The following CTDSPL variants were observed in gnomAD, a reference collection of about 807,000 sequenced individuals.
CTDSPL encodes CTD small phosphatase-like protein.
A neutral mutation model predicts 30.5 loss-of-function variants in CTDSPL; 8 were observed. That is an observed-to-expected ratio of 0.26 (90% CI 0.15 to 0.47). CTDSPL has a LOEUF of 0.47. Among genes scored for constraint, CTDSPL ranks in the 20% least tolerant of loss-of-function variants. CTDSPL has a pLI of 0.99. For missense variants in CTDSPL, 248 were observed against 366.1 expected (o/e 0.68, Z 2.63); for synonymous variants, 110 against 137.9 (o/e 0.80, Z 1.42).
At chr3:37,893,010 AC>A (rs1186818840) in intron 1 of CTDSPL, among the ~76,000 whole-genome samples, 1 of 152,222 alleles carries the variant, frequency 6.6e-6, no homozygotes, top group Non-Finnish European at 1.5e-5. Context: ...CTGAACATTT[AC>A]AACCAGTGAA....
At chr3:37,883,340 T>G (rs1575280752) in intron 1 of CTDSPL, among the ~76,000 whole-genome samples, 2 of 152,208 alleles carry the variant, frequency 1.3e-5, no homozygotes, top group East Asian at 3.9e-4. Context: ...GTGTCTTTAG[T>G]GTAGGAATTT....
At chr3:37,954,575 G>A (rs1423761012) in intron 2 of CTDSPL, 1 of 152,390 alleles carries the variant, frequency 6.6e-6, no homozygotes, top group Non-Finnish European at 1.5e-5. Context: ...AATTCAGCAT[G>A]CCAGAGGAAG....
intron 1 of CTDSPL, among the ~76,000 whole-genome samples, chr3:37,919,200 T>C (rs1698685907): frequency 6.6e-6 from 1 of 152,160 alleles, no homozygotes; most frequent in Admixed American, 6.5e-5. Context: ...CCATTGATAT[T>C]TTAAAGTTTG....
chr3:37,894,639 T>C (rs1433931100), intron 1 of CTDSPL, among the ~76,000 whole-genome samples: 2 of 152,226 alleles, frequency 1.3e-5, no homozygotes, highest in Non-Finnish European at 2.9e-5. Flanking sequence ...TAAAAAAATA[T>C]GTTTTTTCTG....
At chr3:37,889,133 C>G (rs1319345198) in intron 1 of CTDSPL, among the ~76,000 whole-genome samples, 4 of 152,176 alleles carry the variant, frequency 2.6e-5, no homozygotes, top group Non-Finnish European at 5.9e-5. Context: ...AGCTTGATGG[C>G]TGAGTAGCAG....
chr3:37,899,150 G>T (rs1040162161), intron 1 of CTDSPL, among the ~76,000 whole-genome samples: 7 of 152,166 alleles, frequency 4.6e-5, no homozygotes, highest in South Asian at 2.1e-4. Context: ...GTGATACCCT[G>T]GGCTGGAACC....
chr3:37,934,242 G>C (rs1453107966), intron 1 of CTDSPL, among the ~76,000 whole-genome samples: 1 of 151,818 alleles, frequency 6.6e-6, no homozygotes. Context: ...TGAGAAGATG[G>C]CTTGAGCCCA....
chr3:37,890,251 T>C (rs1014506525), intron 1 of CTDSPL, among the ~76,000 whole-genome samples: 1 of 152,100 alleles, frequency 6.6e-6, no homozygotes, highest in African/African-American at 2.4e-5. Context: ...TATAGATGCA[T>C]AGAATATTAA....
intron 1 of CTDSPL, among the ~76,000 whole-genome samples, chr3:37,941,911 A>C (rs970876026): frequency 1.3e-5 from 2 of 150,212 alleles, no homozygotes; most frequent in Admixed American, 1.3e-4. Context: ...AGTCCCTGGA[A>C]CCAGATGCAG....
Position 37,882,181 on chromosome 3 carries a change from G to A in CTDSPL, c.79+19903G>A, listed in dbSNP as rs575677345. Among the ~76,000 whole-genome samples the A allele has an allele frequency of 9.9e-5, 15 of 152,208 alleles. No individual in the cohort carries two copies. In the South Asian group the frequency reaches 1.0e-3, roughly 11 times the overall value. ...ATATTGGCTGGGCACGGTGGCTCAC[G>A]CCTGTAATCCTAGCACTTTGGGAGG... On this transcript the variant is annotated intron_variant, in intron 1 of 7. Coordinates refer to ENST00000273179, the MANE Select transcript of CTDSPL (RefSeq NM_001008392.2).
chr3:37,973,252 C>CT (rs1004440749), intron 6 of CTDSPL, among the ~76,000 whole-genome samples: 2 of 152,220 alleles, frequency 1.3e-5, no homozygotes, highest in Admixed American at 1.3e-4. Flanking sequence ...ATCAGTGGCT[C>CT]TTCCAACAGT....
At chr3:37,894,499 A>G (rs1172763989) in intron 1 of CTDSPL, among the ~76,000 whole-genome samples, 1 of 151,966 alleles carries the variant, frequency 6.6e-6, no homozygotes, top group Admixed American at 6.6e-5. Flanking sequence ...TGTTACTTTT[A>G]TGTAATGTAT....
At chr3:37,936,504 C>T (rs1343812632) in intron 1 of CTDSPL, among the ~76,000 whole-genome samples, 3 of 152,118 alleles carry the variant, frequency 2.0e-5, no homozygotes, top group Admixed American at 2.0e-4. Flanking sequence ...GTAATGTATG[C>T]ATAGACTGCC....
chr3:37,981,357 TAAG>T lies in CTDSPL; in HGVS notation c.*495_*497del, dbSNP rs887762671. ...TAGTCTTTTATTGTCTTAGATACTA[TAAG>T]AAGATGAACATGACAATTTTCTAGA... On this transcript the variant is annotated 3_prime_UTR_variant, in exon 8 of 8. Coordinates refer to ENST00000273179, the MANE Select transcript of CTDSPL (RefSeq NM_001008392.2). 1 of 162,158 alleles carries T rather than the reference TAAG, an allele frequency of 6.2e-6. No homozygotes were observed. The highest frequency in any genetic ancestry group is 1.4e-5 in the Non-Finnish European group (1 of 73,364). 10.0% of individuals were successfully genotyped at this position (162,158 alleles called of 1,614,324 possible).
intron 6 of CTDSPL, among the ~76,000 whole-genome samples, chr3:37,973,014 C>T (rs188419140): frequency 6.6e-6 from 1 of 152,344 alleles, no homozygotes; most frequent in East Asian, 1.9e-4. Context: ...CTGGCCATTG[C>T]TGGTTGGGTC....
At chr3:37,885,325 G>A (rs967147730) in intron 1 of CTDSPL, among the ~76,000 whole-genome samples, 1 of 152,200 alleles carries the variant, frequency 6.6e-6, no homozygotes, top group Non-Finnish European at 1.5e-5. Context: ...GTAAAGGAAC[G>A]ATCATAGAAT....
At chr3:37,924,971 C>T (rs1350657285) in intron 1 of CTDSPL, among the ~76,000 whole-genome samples, 1 of 152,194 alleles carries the variant, frequency 6.6e-6, no homozygotes, top group Non-Finnish European at 1.5e-5. Context: ...ACCACCCCCT[C>T]CCTCAACTGC....
chr3:37,936,656 TAAAAA>T (rs577097327), intron 1 of CTDSPL, among the ~76,000 whole-genome samples: 1 of 94,790 alleles, frequency 1.1e-5, no homozygotes, highest in African/African-American at 4.1e-5. Flanking sequence ...TCTCCCCAGT[TAAAAA>T]AAAAAAAAAA....
At chr3:37,964,032 T>TAAAAAAAAAAAAA (rs58061973) in intron 3 of CTDSPL, among the ~76,000 whole-genome samples, 1 of 22,990 alleles carries the variant, frequency 4.3e-5, no homozygotes, top group African/African-American at 1.3e-4. Flanking sequence ...TCTCAGTCAC[T>TAAAAAAAAAAAAA]AAAAAAAAAA....
Sources: gnomAD v4.1 joint callset for allele counts (sites outside exome capture counted in the v4.1 genomes callset) on GRCh38, gnomAD v4.1.1 for gene constraint, MANE v1.5 for transcripts, NCBI Gene and HGNC (gene_info 2026-07-23, HGNC 2026-07-21) for gene names.